The following GLI2 variants were observed in gnomAD, a reference collection of about 807,000 sequenced individuals.
GLI2 encodes transcription activator GLI2.
In GLI2, 22 loss-of-function variants were observed where a neutral mutation model predicts 78.9. That is an observed-to-expected ratio of 0.28 (90% CI 0.20 to 0.40). The LOEUF (loss-of-function observed/expected upper bound fraction) is 0.40, where lower values mean the gene tolerates loss of function less well. Among genes scored for constraint, GLI2 ranks in the 10% least tolerant of loss-of-function variants. The pLI is 1.00. For missense variants in GLI2, 2,097 were observed against 2,213.2 expected (o/e 0.95, Z 1.05); for synonymous variants, 974 against 963.7 (o/e 1.01, Z -0.20).
At chr2:120,745,135 G>A (rs1477510288) in intron 1 of GLI2, among the ~76,000 whole-genome samples, 1 of 152,194 alleles carries the variant, frequency 6.6e-6, no homozygotes, top group Non-Finnish European at 1.5e-5. Flanking sequence ...CTATAAGGTG[G>A]CTCTGGTGGT....
intron 2 of GLI2, among the ~76,000 whole-genome samples, chr2:120,907,988 C>T (rs1445764437): frequency 6.6e-6 from 1 of 152,186 alleles, no homozygotes. Flanking sequence ...TCCTTTTTCA[C>T]CACCTGGTGA....
intron 2 of GLI2, among the ~76,000 whole-genome samples, chr2:120,924,779 C>T (rs549681913): frequency 6.6e-6 from 1 of 152,300 alleles, no homozygotes; most frequent in Non-Finnish European, 1.5e-5. Context: ...TTTCCTGTGC[C>T]CCACATTAGT....
At chr2:120,963,063 G>A (rs1341063093) in intron 5 of GLI2, among the ~76,000 whole-genome samples, 3 of 152,170 alleles carry the variant, frequency 2.0e-5, no homozygotes, top group South Asian at 2.1e-4. Flanking sequence ...AGCTGAGAGG[G>A]CGCCGAATGC....
At chr2:120,916,280 C>T (rs1368937864) in intron 2 of GLI2, among the ~76,000 whole-genome samples, 1 of 152,254 alleles carries the variant, frequency 6.6e-6, no homozygotes, top group East Asian at 1.9e-4. Context: ...AGATGTTCCT[C>T]ATCCTGTATG....
At chr2:120,787,920 G>A (rs113167718) in intron 1 of GLI2, among the ~76,000 whole-genome samples, 1,706 of 152,340 alleles carry the variant, frequency 0.011, 19 homozygotes, top group African/African-American at 0.038. Context: ...AGACTGTAGA[G>A]GCGCTGGCAC....
intron 2 of GLI2, among the ~76,000 whole-genome samples, chr2:120,868,036 C>T (rs1180667799): frequency 6.6e-6 from 1 of 152,162 alleles, no homozygotes; most frequent in Non-Finnish European, 1.5e-5. Flanking sequence ...CAGCCTCCCG[C>T]AACGGATGTA....
chr2:120,938,103 G>A (rs1024146559), intron 3 of GLI2, among the ~76,000 whole-genome samples: 2 of 152,144 alleles, frequency 1.3e-5, no homozygotes, highest in Admixed American at 1.3e-4. Context: ...TTCTATTACA[G>A]ACAAAGTCCC....
At chr2:120,923,859 C>T (rs72837311) in intron 2 of GLI2, among the ~76,000 whole-genome samples, 4,258 of 152,212 alleles carry the variant, frequency 0.028, 96 homozygotes, top group Non-Finnish European at 0.039. Flanking sequence ...CACACACGTA[C>T]ATACACACAC....
chr2:120,984,531 C>T lies in GLI2; in HGVS notation c.1693C>T (p.Arg565Trp), dbSNP rs1158908764. The change falls in exon 12 of 14, where the codon CGG becomes TGG. Residue 565 changes from arginine (R) to tryptophan (W), a missense_variant. Transcript: ENST00000361492. ...TKRYTDPSSL[R>W]KHVKTVHGPD... is the part of the protein sequence containing the mutation. ...GAGATACACAGACCCCAGCTCTCTC[C>T]GGAAGCATGTGAAAACGGTCCACGG... The T allele has an allele frequency of 5.0e-6, 8 of 1,614,218 alleles. No individual in the cohort carries two copies. Among genetic ancestry groups the T allele is most frequent in the Admixed American group, 1.7e-5 (1 of 60,036 alleles).
chr2:120,868,443 TA>T lies in GLI2; in HGVS notation c.149-58915del, dbSNP rs549791330. 2.0e-5 allele frequency among the ~76,000 whole-genome samples: 3 copies of T among 152,344 alleles called. No homozygotes were observed. In the South Asian group the frequency reaches 6.2e-4, roughly 32 times the overall value. On this transcript the variant is annotated intron_variant, in intron 2 of 13. Coordinates refer to ENST00000361492, the MANE Select transcript of GLI2 (RefSeq NM_001374353.1). ...TCGAATCTTTCTTCTTTTGACTTTC[TA>T]AAGGGCTTTACCCAGCCCTGCCTTC...
chr2:120,826,966 C>T (rs113068003), intron 2 of GLI2, among the ~76,000 whole-genome samples: 2,437 of 152,274 alleles, frequency 0.016, 71 homozygotes, highest in African/African-American at 0.054. Flanking sequence ...ACTGGCGGCT[C>T]CCGGGACAAG....
chr2:120,975,142 G>C (rs575998331), intron 9 of GLI2, 33 bp downstream of exon 9: 2 of 1,609,696 alleles, frequency 1.2e-6, no homozygotes, highest in Non-Finnish European at 1.7e-6. Context: ...CCCGCCAACC[G>C]GGGCACGGCC....
intron 2 of GLI2, among the ~76,000 whole-genome samples, chr2:120,839,628 A>G (rs1279607677): frequency 6.6e-6 from 1 of 152,132 alleles, no homozygotes; most frequent in Non-Finnish European, 1.5e-5. Context: ...AGTGACACGA[A>G]TTCAGCTCAC....
chr2:120,913,198 A>G (rs527913728), intron 2 of GLI2, among the ~76,000 whole-genome samples: 1 of 152,216 alleles, frequency 6.6e-6, no homozygotes, highest in Non-Finnish European at 1.5e-5. Flanking sequence ...GTGGAAAGTC[A>G]ATAATGATAA....
chr2:120,910,325 C>A (rs1011285450), intron 2 of GLI2, among the ~76,000 whole-genome samples: 9 of 152,148 alleles, frequency 5.9e-5, no homozygotes, highest in African/African-American at 1.9e-4. Flanking sequence ...TCAAGGGATG[C>A]ATTTTAATTT....
intron 1 of GLI2, among the ~76,000 whole-genome samples, chr2:120,755,590 G>T (rs1683014314): frequency 6.6e-6 from 1 of 151,972 alleles, no homozygotes; most frequent in African/African-American, 2.4e-5. Flanking sequence ...TAGTTTTGAT[G>T]AACTCCAGTT....
chr2:120,980,298 T>C (rs1682660003), intron 10 of GLI2, among the ~76,000 whole-genome samples: 1 of 152,238 alleles, frequency 6.6e-6, no homozygotes, highest in South Asian at 2.1e-4. Flanking sequence ...ACACTGGTTG[T>C]TACCTGTCTT....
At chr2:120,906,834 C>T (rs538938845) in intron 2 of GLI2, among the ~76,000 whole-genome samples, 19 of 152,294 alleles carry the variant, frequency 1.2e-4, no homozygotes, top group Admixed American at 2.6e-4. Context: ...TGCATCCCCG[C>T]GTGGCAGAGT....
intron 3 of GLI2, among the ~76,000 whole-genome samples, chr2:120,937,667 A>T (rs1680262808): frequency 6.6e-6 from 1 of 152,212 alleles, no homozygotes; most frequent in African/African-American, 2.4e-5. Flanking sequence ...TTCCAGGCAG[A>T]CACCAGTGCC....
Sources: gnomAD v4.1 joint callset for allele counts (sites outside exome capture counted in the v4.1 genomes callset) on GRCh38, gnomAD v4.1.1 for gene constraint, MANE v1.5 for transcripts, NCBI Gene and HGNC (gene_info 2026-07-23, HGNC 2026-07-21) for gene names.